Variants in KCNIP4 observed in about 807,000 individuals in gnomAD.
The protein encoded by KCNIP4 is potassium voltage-gated channel interacting protein 4, also known as Kv channel-interacting protein 4.
Under a neutral mutation model 34.0 loss-of-function variants are expected in KCNIP4, and 12 were observed. The observed-to-expected ratio is 0.35, with a 90% CI of 0.23 to 0.57. KCNIP4 has a LOEUF of 0.57. Ranked by LOEUF, KCNIP4 falls within the 20% of genes least tolerant of loss-of-function variation. The pLI, the probability that KCNIP4 is intolerant of heterozygous loss-of-function variation, is 0.83. For missense variants in KCNIP4, 238 were observed against 311.7 expected (o/e 0.76, Z 1.78); for synonymous variants, 124 against 102.2 (o/e 1.21, Z -1.29).
intron 6 of KCNIP4, among the ~76,000 whole-genome samples, chr4:20,734,116 G>C (rs988826768): frequency 6.6e-6 from 1 of 152,176 alleles, no homozygotes; most frequent in East Asian, 1.9e-4. Flanking sequence ...TTTACTTCTC[G>C]CTGTGTTTTA....
At chr4:21,778,694 A>AT (rs201919444) in intron 1 of KCNIP4, among the ~76,000 whole-genome samples, 1,815 of 152,256 alleles carry the variant, frequency 0.012, 33 homozygotes, top group African/African-American at 0.042. Flanking sequence ...GTATCCTTTG[A>AT]TACAAATTAA....
intron 1 of KCNIP4, among the ~76,000 whole-genome samples, chr4:21,825,838 A>C (rs2109298051): frequency 6.6e-6 from 1 of 152,294 alleles, no homozygotes; most frequent in Admixed American, 6.5e-5. Context: ...GGTGTTTACA[A>C]GTTCTGTGAA....
At chr4:21,869,674 C>CTTGT (rs61653845) in intron 1 of KCNIP4, among the ~76,000 whole-genome samples, 139,584 of 150,750 alleles carry the variant, frequency 0.93, 65,024 homozygotes, top group East Asian at 0.97. Context: ...AGGGCTTACG[C>CTTGT]TTAATATCTC....
At chr4:21,533,721 G>C (rs1165038360) in intron 1 of KCNIP4, among the ~76,000 whole-genome samples, 1 of 152,056 alleles carries the variant, frequency 6.6e-6, no homozygotes, top group African/African-American at 2.4e-5. Context: ...TTCCTTCTCA[G>C]CGAATACTAT....
At chr4:21,698,843 A>C (rs1560641615) in intron 1 of KCNIP4, among the ~76,000 whole-genome samples, 1 of 152,084 alleles carries the variant, frequency 6.6e-6, no homozygotes, top group African/African-American at 2.4e-5. Flanking sequence ...TAAAGAAAGA[A>C]CTCCTGGACT....
At chr4:21,152,651 C>T (rs1482158507) in intron 1 of KCNIP4, among the ~76,000 whole-genome samples, 2 of 151,968 alleles carry the variant, frequency 1.3e-5, no homozygotes, top group Non-Finnish European at 2.9e-5. Flanking sequence ...AGAATGAGTC[C>T]CCAATCCCCA....
At chr4:21,455,576 C>T (rs1332209109) in intron 1 of KCNIP4, among the ~76,000 whole-genome samples, 4 of 149,204 alleles carry the variant, frequency 2.7e-5, no homozygotes, top group African/African-American at 9.8e-5. Flanking sequence ...CAGATAAATC[C>T]AGTGATGTAG....
At chr4:21,774,627 G>A (rs1577971068) in intron 1 of KCNIP4, among the ~76,000 whole-genome samples, 1 of 152,152 alleles carries the variant, frequency 6.6e-6, no homozygotes, top group African/African-American at 2.4e-5. Context: ...TGGAGGCTTT[G>A]TTCCTTCCTT....
chr4:21,670,894 G>T (rs1451342762), intron 1 of KCNIP4, among the ~76,000 whole-genome samples: 1 of 151,768 alleles, frequency 6.6e-6, no homozygotes, highest in Non-Finnish European at 1.5e-5. Flanking sequence ...CTGACCTCGT[G>T]ATCCGCCCGC....
chr4:20,740,336 C>T (rs181055153), intron 5 of KCNIP4, among the ~76,000 whole-genome samples: 46 of 151,602 alleles, frequency 3.0e-4, no homozygotes, highest in African/African-American at 1.0e-3. Flanking sequence ...CCAGGGAGGT[C>T]GGGTTACCCA....
chr4:21,025,543 G>GTTTTTTTTT lies in KCNIP4; in HGVS notation c.62-142843_62-142835dup, dbSNP rs772689134. Among the ~76,000 whole-genome samples the GTTTTTTTTT allele has an allele frequency of 6.9e-4, 24 of 34,776 alleles. 6 individuals are homozygous for GTTTTTTTTT. The highest frequency in any genetic ancestry group is 8.7e-4 in the Non-Finnish European group (17 of 19,614). 22.8% of individuals were successfully genotyped at this position (34,776 alleles called of 152,430 possible). A position where few individuals can be genotyped will look rare whatever the true frequency, so the allele number is the denominator to read the frequency against. Reference sequence around the variant, plus strand: ...TGCAAAAAGGTCACTCATTGATACTGTTTTTTTTTTTTTTTTTTTTTTTTT... The same window carrying GTTTTTTTTT: ...TGCAAAAAGGTCACTCATTGATACTGTTTTTTTTTTTTTTTTTTTTTTTTTTTTTTTTTT... On this transcript the variant is annotated intron_variant, in intron 1 of 8. Coordinates refer to ENST00000382152, the MANE Select transcript of KCNIP4 (RefSeq NM_025221.6).
chr4:21,197,061 A>G (rs2109363338), intron 1 of KCNIP4, among the ~76,000 whole-genome samples: 1 of 152,282 alleles, frequency 6.6e-6, no homozygotes, highest in South Asian at 2.1e-4. Context: ...TTGGCATTCT[A>G]TTTGTGAGAT....
At position 21,832,888 on chromosome 4, in the gene KCNIP4, A is replaced by G. The variant is rs916690936; in HGVS notation, c.61+115683T>C. 7.0e-4 allele frequency among the ~76,000 whole-genome samples: 106 copies of G among 150,974 alleles called. 1 individual carries two copies. The highest frequency in any genetic ancestry group is 2.5e-3 in the African/African-American group (103 of 40,794). ...ACTTTACTGAGAATGATGATTTCCA[A>G]TTTCATCCATGTCCCTACAAAGGAC... On this transcript the variant is annotated intron_variant, in intron 1 of 8. Transcript: ENST00000382152.
chr4:21,416,362 A>G (rs1379305636), intron 1 of KCNIP4, among the ~76,000 whole-genome samples: 1 of 152,162 alleles, frequency 6.6e-6, no homozygotes, highest in Non-Finnish European at 1.5e-5. Context: ...GTTTTCCCTA[A>G]GAGAAGACTG....
intron 1 of KCNIP4, among the ~76,000 whole-genome samples, chr4:21,415,477 A>C (rs1012091294): frequency 3.9e-5 from 6 of 151,966 alleles, no homozygotes; most frequent in African/African-American, 1.5e-4. Flanking sequence ...AGATCACCTT[A>C]GGTCAGGAGT....
chr4:21,944,889 A>C (rs1425209535), intron 1 of KCNIP4, among the ~76,000 whole-genome samples: 2 of 152,146 alleles, frequency 1.3e-5, no homozygotes, highest in Admixed American at 1.3e-4. Flanking sequence ...AGGGTAAATT[A>C]ATTTATAATA....
chr4:21,274,758 TA>T (rs1398644547), intron 1 of KCNIP4, among the ~76,000 whole-genome samples: 2 of 152,186 alleles, frequency 1.3e-5, no homozygotes, highest in East Asian at 3.8e-4. Context: ...TCGAGAGTTT[TA>T]AATTTATTAA....
intron 1 of KCNIP4, among the ~76,000 whole-genome samples, chr4:21,799,498 G>GGAGGTA (rs1720859647): frequency 6.6e-6 from 1 of 152,092 alleles, no homozygotes. Context: ...TTTGTTGCAG[G>GGAGGTA]GAGGTAGAGG....
chr4:21,928,127 T>TATACAC (rs141651426), intron 1 of KCNIP4, among the ~76,000 whole-genome samples: 5,651 of 143,866 alleles, frequency 0.039, 419 homozygotes, highest in East Asian at 0.31. Context: ...TATATATATA[T>TATACAC]ACACACACAC....
Sources: allele counts gnomAD v4.1 joint callset (sites outside exome capture counted in the v4.1 genomes callset), GRCh38; gene constraint gnomAD v4.1.1; transcripts MANE v1.5; gene names NCBI Gene and HGNC (gene_info 2026-07-23, HGNC 2026-07-21).